Variants in MYBL2 observed in about 807,000 individuals in gnomAD.
MYBL2 encodes MYB proto-oncogene like 2.
Under a neutral mutation model 79.9 loss-of-function variants are expected in MYBL2, and 28 were observed. The observed-to-expected ratio is 0.35, with a 90% CI of 0.26 to 0.48. The LOEUF (loss-of-function observed/expected upper bound fraction) is 0.48. Among genes scored for constraint, MYBL2 ranks in the 20% least tolerant of loss-of-function variants. The pLI, the probability that MYBL2 is intolerant of heterozygous loss-of-function variation, is 0.99. For missense variants in MYBL2, 735 were observed against 893.9 expected (o/e 0.82, Z 2.27); for synonymous variants, 378 against 361.2 (o/e 1.05, Z -0.53).
chr20:43,682,969 G>A, intron 4 of MYBL2, 83 bp downstream of exon 4: 2 of 1,332,954 alleles, frequency 1.5e-6, no homozygotes, highest in Non-Finnish European at 2.2e-6. Flanking sequence ...CTTGTGTTGG[G>A]GTTGGGGGTG....
chr20:43,672,223 T>C (rs971242554), intron 1 of MYBL2, among the ~76,000 whole-genome samples: 14 of 6,588 alleles, frequency 2.1e-3, no homozygotes, highest in Non-Finnish European at 7.1e-3. Flanking sequence ...AAAAAAAAAA[T>C]AGATACTGTA....
intron 6 of MYBL2, among the ~76,000 whole-genome samples, chr20:43,697,698 T>C (rs2145725094): frequency 6.6e-6 from 1 of 152,088 alleles, no homozygotes; most frequent in Non-Finnish European, 1.5e-5. Context: ...GGTCAGGAGA[T>C]GGAGACCATC....
rs1014530552 is a variant in MYBL2 at position 43,716,094 on chromosome 20, G to A, written c.*7G>A. The A allele has an allele frequency of 1.2e-6, 2 of 1,604,926 alleles. No individual in the cohort carries two copies. The highest frequency in any genetic ancestry group is 3.3e-5 in the Admixed American group (2 of 59,874). ...GACCCTCATCTTGTCCTGAGGTGTT[G>A]AGGGTGTCACGAGCCCATTCTCATG... On this transcript the variant is annotated 3_prime_UTR_variant, in exon 14 of 14. Coordinates refer to ENST00000217026, the MANE Select transcript of MYBL2 (RefSeq NM_002466.4).
rs933183700 is a variant in MYBL2 at position 43,684,277 on chromosome 20, G to A, written c.279+1391G>A. Among the ~76,000 whole-genome samples the A allele has an allele frequency of 1.1e-4, 17 of 149,146 alleles. 1 individual carries two copies. Among genetic ancestry groups the A allele is most frequent in the African/African-American group, 2.5e-4 (10 of 40,200 alleles). On this transcript the variant is annotated intron_variant, in intron 4 of 13. Transcript: ENST00000217026. ...TTTTGAGACTGAGTCTTGCTCTGTC[G>A]TCCAGGCTGGAGTGCAATGGCGTGA...
chr20:43,700,975 T>G (rs1049618803), intron 7 of MYBL2, among the ~76,000 whole-genome samples: 1 of 152,202 alleles, frequency 6.6e-6, no homozygotes, highest in Non-Finnish European at 1.5e-5. Context: ...ATTGGAGTGC[T>G]TGCCGCGTGC....
intron 5 of MYBL2, 70 bp from the exon 6 acceptor site, chr20:43,692,087 G>A (rs1199854464): frequency 4.0e-6 from 6 of 1,514,484 alleles, no homozygotes; most frequent in Non-Finnish European, 4.5e-6. Flanking sequence ...GCTTAGGGAG[G>A]TTAGTGATGT....
intron 5 of MYBL2, among the ~76,000 whole-genome samples, chr20:43,690,623 A>G (rs1216817233): frequency 6.6e-6 from 1 of 152,220 alleles, no homozygotes; most frequent in Non-Finnish European, 1.5e-5. Context: ...TTAGAGTGCA[A>G]ATGATCCGAG....
At chr20:43,715,901 G>C (rs1371906804) in intron 13 of MYBL2, 58 bp from the exon 14 acceptor site, 50 of 1,540,656 alleles carry the variant, frequency 3.2e-5, no homozygotes, top group East Asian at 6.9e-5. Flanking sequence ...AGGATCACCA[G>C]GGTCTGTTGG....
chr20:43,710,077 C>T lies in MYBL2; in HGVS notation c.1605+15C>T, dbSNP rs1384484627. On this transcript the variant is annotated intron_variant, in intron 10 of 13. Coordinates refer to ENST00000217026, the MANE Select transcript of MYBL2 (RefSeq NM_002466.4). ...TGAAGCCCCTGGTACGTGGTGTGGT[C>T]GCTGCCGTGGATCTCTGCACAGTGG... is the stretch of plus-strand genomic sequence containing the variant. 6.3e-6 allele frequency: 10 copies of T among 1,582,728 alleles called. No individual in the cohort carries two copies. The highest frequency in any genetic ancestry group is 1.7e-4 in the Middle Eastern group (1 of 5,996).
chr20:43,692,490 C>T (rs560926229), intron 6 of MYBL2, among the ~76,000 whole-genome samples, 171 bp downstream of exon 6: 5 of 152,320 alleles, frequency 3.3e-5, no homozygotes, highest in Non-Finnish European at 7.3e-5. Flanking sequence ...ACTTGTCTGC[C>T]TGCAGATGAA....
intron 6 of MYBL2, among the ~76,000 whole-genome samples, chr20:43,698,947 A>G (rs1482506224): frequency 1.3e-5 from 2 of 149,726 alleles, no homozygotes; most frequent in Non-Finnish European, 3.0e-5. Context: ...AAGGGACCCA[A>G]TTGCCTCAGC....
At position 43,692,145 on chromosome 20, in the gene MYBL2, T is replaced by C; in HGVS notation, c.501-12T>C. ...GAGCTGGGGTTCAAAGGCCCCCTGC[T>C]GCCCCCTGCAGGACAGACAATGCTG... On this transcript the variant is annotated splice_polypyrimidine_tract_variant and intron_variant, in intron 5 of 13. Transcript: ENST00000217026. 6.2e-7 allele frequency: 1 copy of C among 1,613,144 alleles called. No homozygotes were observed. The highest frequency in any genetic ancestry group is 1.3e-5 in the African/African-American group (1 of 75,028).
chr20:43,715,321 C>T (rs371569096), intron 13 of MYBL2, 38 bp downstream of exon 13: 32 of 1,612,958 alleles, frequency 2.0e-5, no homozygotes, highest in Non-Finnish European at 2.5e-5. Context: ...CCTGCAGTGC[C>T]CGCCTTCTTA....
At chr20:43,671,575 C>A (rs980049664) in intron 1 of MYBL2, among the ~76,000 whole-genome samples, 3 of 148,084 alleles carry the variant, frequency 2.0e-5, no homozygotes, top group African/African-American at 7.6e-5. Flanking sequence ...CAGGTTCAAG[C>A]GATTCTCCTG....
chr20:43,695,027 CAGG>C (rs926102993), intron 6 of MYBL2, among the ~76,000 whole-genome samples: 9 of 125,550 alleles, frequency 7.2e-5, no homozygotes, highest in African/African-American at 2.5e-4. Context: ...ACCCTGAGCA[CAGG>C]AGGTCAATTT....
intron 1 of MYBL2, 144 bp downstream of exon 1, chr20:43,667,447 T>C (rs1986745645): frequency 3.7e-6 from 2 of 542,740 alleles, no homozygotes; most frequent in Non-Finnish European, 5.3e-6. Context: ...GCGGAAATGC[T>C]GCGTCCTGGG....
chr20:43,710,354 TAACTTA>T (rs1164521485), intron 10 of MYBL2, among the ~76,000 whole-genome samples: 1 of 152,114 alleles, frequency 6.6e-6, no homozygotes, highest in East Asian at 1.9e-4. Context: ...GAAATACAAA[TAACTTA>T]AACACTTTCA....
At position 43,667,177 on chromosome 20, in the gene MYBL2, C is replaced by A; in HGVS notation, c.-107C>A. 1.4e-6 allele frequency: 1 copy of A among 734,428 alleles called. No individual in the cohort carries two copies. Among genetic ancestry groups the A allele is most frequent in the Non-Finnish European group, 1.8e-6 (1 of 560,902 alleles). 45.5% of individuals were successfully genotyped at this position (734,428 alleles called of 1,614,324 possible). ...GACACGCTGACGCCTTCGAGCGCGG[C>A]CCGGGGCCCGGAGCGGCCGGAGCAG... On this transcript the variant is annotated 5_prime_UTR_variant, in exon 1 of 14. Coordinates refer to ENST00000217026, the MANE Select transcript of MYBL2 (RefSeq NM_002466.4).
chr20:43,670,161 ACAT>A (rs1223750361), intron 1 of MYBL2, among the ~76,000 whole-genome samples: 2 of 152,248 alleles, frequency 1.3e-5, no homozygotes, highest in Non-Finnish European at 2.9e-5. Context: ...GTCCATGCAG[ACAT>A]CATTTCATCC....
Sources: allele counts gnomAD v4.1 joint callset (sites outside exome capture counted in the v4.1 genomes callset), GRCh38; gene constraint gnomAD v4.1.1; transcripts MANE v1.5; gene names NCBI Gene and HGNC (gene_info 2026-07-23, HGNC 2026-07-21).